Variants in FAM83B observed in about 807,000 individuals in gnomAD.
FAM83B encodes the protein protein FAM83B.
FAM83B carries 26 observed loss-of-function variants against 38.8 expected under a neutral mutation model. The observed-to-expected ratio is 0.67, with a 90% CI of 0.49 to 0.93. The LOEUF (loss-of-function observed/expected upper bound fraction) is 0.93. FAM83B is among the 40% of genes least tolerant of loss of function. The pLI is 0.00. For synonymous variants in FAM83B, 419 were observed against 423.1 expected (o/e 0.99, Z 0.12); for missense variants, 1,237 against 1,197.3 (o/e 1.03, Z -0.49).
intron 2 of FAM83B, among the ~76,000 whole-genome samples, chr6:54,907,255 ATTG>A (rs1772794574): frequency 6.6e-6 from 1 of 152,100 alleles, no homozygotes; most frequent in African/African-American, 2.4e-5. Flanking sequence ...GATTATTCTT[ATTG>A]TTTTATTCAA....
chr6:54,879,743 T>G (rs1772081527), intron 2 of FAM83B, among the ~76,000 whole-genome samples: 1 of 152,180 alleles, frequency 6.6e-6, no homozygotes, highest in Non-Finnish European at 1.5e-5. Flanking sequence ...GTGACAGTGA[T>G]GTTGTGAAAT....
chr6:54,903,648 A>G (rs939602692), intron 2 of FAM83B, among the ~76,000 whole-genome samples: 1 of 152,134 alleles, frequency 6.6e-6, no homozygotes, highest in East Asian at 1.9e-4. Context: ...CATTAATATA[A>G]TATTTCATCC....
At chr6:54,846,995 G>A (rs1229785817) in intron 1 of FAM83B, among the ~76,000 whole-genome samples, 169 bp downstream of exon 1, 1 of 152,178 alleles carries the variant, frequency 6.6e-6, no homozygotes, top group Non-Finnish European at 1.5e-5. Context: ...AGGCGGGATT[G>A]GAAATTCCAC....
At chr6:54,908,551 T>C (rs1349568198) in intron 2 of FAM83B, among the ~76,000 whole-genome samples, 1 of 152,196 alleles carries the variant, frequency 6.6e-6, no homozygotes, top group Non-Finnish European at 1.5e-5. Context: ...TTATAATTTC[T>C]CATCCATAAT....
rs147188411 is a variant in FAM83B, at chr6:54,870,280, G to A, written c.34G>A (p.Asp12Asn). Residue 12 changes from aspartate (D) to asparagine (N), a missense_variant, in exon 2 of 5, where the codon GAT (aspartate) becomes AAT (asparagine). Physicochemically the swap from Asp to Asn is conservative, Grantham distance 23. Transcript: ENST00000306858. Reference protein sequence around the residue: ...ETSSMLSSLNDECKSDNYIEP... With the variant: ...ETSSMLSSLNNECKSDNYIEP... ...CTCATCAATGCTTTCCTCATTGAATGATGAGTGTAAATCTGACAACTACAT... is the reference window on the plus strand; with the variant it reads ...CTCATCAATGCTTTCCTCATTGAATAATGAGTGTAAATCTGACAACTACAT... 1.5e-5 allele frequency: 24 copies of A among 1,613,820 alleles called. No homozygotes were observed. The East Asian group carries it at 4.9e-4, about 33-fold the overall frequency.
At chr6:54,861,989 A>G (rs1019826343) in intron 1 of FAM83B, among the ~76,000 whole-genome samples, 5 of 152,148 alleles carry the variant, frequency 3.3e-5, no homozygotes, top group Admixed American at 6.5e-5. Context: ...AGTCTTGGAA[A>G]GTTTCTTAAG....
At chr6:54,885,737 C>T (rs239785) in intron 2 of FAM83B, among the ~76,000 whole-genome samples, 8,898 of 149,192 alleles carry the variant, frequency 0.06, 310 homozygotes, top group Middle Eastern at 0.12. Flanking sequence ...AAACACCGCA[C>T]GTTCTCACTC....
chr6:54,895,449 T>G (rs1430985387), intron 2 of FAM83B, among the ~76,000 whole-genome samples: 3 of 152,214 alleles, frequency 2.0e-5, no homozygotes, highest in Admixed American at 6.5e-5. Flanking sequence ...GATGTGCCAA[T>G]TTGTGCTTCT....
intron 1 of FAM83B, among the ~76,000 whole-genome samples, chr6:54,864,805 A>G (rs1013646885): frequency 1.3e-5 from 2 of 152,196 alleles, no homozygotes; most frequent in African/African-American, 4.8e-5. Context: ...GTTCTGAAAC[A>G]ATCCTTTATG....
chr6:54,851,792 C>G (rs1188572987), intron 1 of FAM83B, among the ~76,000 whole-genome samples: 1 of 149,160 alleles, frequency 6.7e-6, no homozygotes, highest in Admixed American at 6.7e-5. Context: ...GGACTACAGG[C>G]GCCCGCCACT....
At chr6:54,902,887 T>C (rs12528972) in intron 2 of FAM83B, among the ~76,000 whole-genome samples, 81 of 152,328 alleles carry the variant, frequency 5.3e-4, no homozygotes, top group Admixed American at 4.5e-3. Context: ...AATGATTTGT[T>C]CAGAGTAATT....
intron 4 of FAM83B, among the ~76,000 whole-genome samples, chr6:54,930,258 AT>A (rs1773391519): frequency 6.6e-6 from 1 of 152,000 alleles, no homozygotes; most frequent in Admixed American, 6.6e-5. Flanking sequence ...GTTTTTATTA[AT>A]TGTGTTTGTT....
In FAM83B at chr6:54,929,036, A is replaced by G. The variant is rs1342914118; in HGVS notation, c.734+1404A>G. Among the ~76,000 whole-genome samples the G allele has an allele frequency of 2.0e-5, 3 of 152,180 alleles. No individual in the cohort carries two copies. In the East Asian group the frequency reaches 5.8e-4, roughly 29 times the overall value. The stretch of plus-strand genomic sequence containing the variant: ...TTATGATAGTAACTGTAGAATTCCT[A>G]GGACCATGGATTATAAAAAATTTAT... On this transcript the variant is annotated intron_variant, in intron 4 of 4. Coordinates refer to ENST00000306858, the MANE Select transcript of FAM83B (RefSeq NM_001010872.3).
At chr6:54,866,124 T>G (rs1312663661) in intron 1 of FAM83B, among the ~76,000 whole-genome samples, 3 of 151,732 alleles carry the variant, frequency 2.0e-5, no homozygotes, top group Non-Finnish European at 2.9e-5. Context: ...GTCCAAGAGC[T>G]TCATAGTAAT....
chr6:54,934,635 A>G (rs1773491115), intron 4 of FAM83B, among the ~76,000 whole-genome samples: 1 of 152,162 alleles, frequency 6.6e-6, no homozygotes, highest in African/African-American at 2.4e-5. Flanking sequence ...CCTTTATCCC[A>G]GTCATGGTTT....
intron 1 of FAM83B, among the ~76,000 whole-genome samples, chr6:54,855,677 AGT>A (rs1771430692): frequency 6.6e-6 from 1 of 152,098 alleles, no homozygotes; most frequent in Non-Finnish European, 1.5e-5. Context: ...GGAAAAGAAG[AGT>A]GTTAAATCTC....
At chr6:54,884,404 C>T (rs188450706) in intron 2 of FAM83B, among the ~76,000 whole-genome samples, 1 of 149,420 alleles carries the variant, frequency 6.7e-6, no homozygotes, top group Non-Finnish European at 1.5e-5. Flanking sequence ...ATTGCTTGAA[C>T]CTGGGGGGCG....
At chr6:54,901,535 A>G (rs1772660774) in intron 2 of FAM83B, among the ~76,000 whole-genome samples, 1 of 152,210 alleles carries the variant, frequency 6.6e-6, no homozygotes, top group Non-Finnish European at 1.5e-5. Context: ...CAGCATTGCT[A>G]TGATATAAAA....
At chr6:54,897,520 C>G (rs1447552233) in intron 2 of FAM83B, among the ~76,000 whole-genome samples, 2 of 152,014 alleles carry the variant, frequency 1.3e-5, no homozygotes, top group Non-Finnish European at 2.9e-5. Flanking sequence ...CAGTTTCCAT[C>G]TGAAAACTGC....
Sources: allele counts gnomAD v4.1 joint callset (sites outside exome capture counted in the v4.1 genomes callset), GRCh38; gene constraint gnomAD v4.1.1; transcripts MANE v1.5; gene names NCBI Gene and HGNC (gene_info 2026-07-23, HGNC 2026-07-21).